Variants in PRIM2 observed in about 807,000 individuals in gnomAD.
PRIM2 encodes the protein DNA primase subunit 2.
A neutral mutation model predicts 67.3 loss-of-function variants in PRIM2; 39 were observed. The observed-to-expected ratio is 0.58, with a 90% CI of 0.45 to 0.76. The LOEUF (loss-of-function observed/expected upper bound fraction) is 0.76. Among genes scored for constraint, PRIM2 ranks in the 30% least tolerant of loss-of-function variants. The pLI is 0.00. For synonymous variants in PRIM2, 143 were observed against 198.7 expected (o/e 0.72, Z 2.36); for missense variants, 398 against 598.7 (o/e 0.66, Z 3.50).
intron 5 of PRIM2, among the ~76,000 whole-genome samples, chr6:57,371,379 T>TA (rs1250898491): frequency 1.3e-5 from 2 of 152,086 alleles, no homozygotes; most frequent in African/African-American, 4.8e-5. Context: ...TAGTGGTACT[T>TA]AGTTATTAAT....
At chr6:57,598,009 A>G (rs1218177846) in intron 10 of PRIM2, among the ~76,000 whole-genome samples, 5 of 152,248 alleles carry the variant, frequency 3.3e-5, no homozygotes, top group African/African-American at 1.2e-4. Flanking sequence ...TATAAGTTAA[A>G]GAATCATAGG....
chr6:57,340,124 A>G (rs1446204393), intron 5 of PRIM2, among the ~76,000 whole-genome samples: 1 of 152,250 alleles, frequency 6.6e-6, no homozygotes, highest in Non-Finnish European at 1.5e-5. Context: ...ATCACTGGCC[A>G]TCAGAGAAAT....
intron 12 of PRIM2, among the ~76,000 whole-genome samples, chr6:57,607,233 G>A (rs1190024606): frequency 5.3e-5 from 8 of 152,092 alleles, no homozygotes; most frequent in East Asian, 1.9e-4. Context: ...ACAACTTTAC[G>A]GCTGCTTCTG....
chr6:57,605,276 GC>G (rs1776539590), intron 11 of PRIM2, among the ~76,000 whole-genome samples: 1 of 152,152 alleles, frequency 6.6e-6, no homozygotes, highest in African/African-American at 2.4e-5. Context: ...TCAGGGTGAT[GC>G]TGGCTTCATA....
At chr6:57,587,407 G>A (rs1170663468) in intron 10 of PRIM2, among the ~76,000 whole-genome samples, 6 of 152,126 alleles carry the variant, frequency 3.9e-5, no homozygotes, top group Non-Finnish European at 5.9e-5. Context: ...GCTCATGCCT[G>A]TAATTTCAGC....
chr6:57,556,248 C>T (rs1200348700), intron 10 of PRIM2, among the ~76,000 whole-genome samples: 1 of 152,178 alleles, frequency 6.6e-6, no homozygotes, highest in Non-Finnish European at 1.5e-5. Flanking sequence ...AATGCTATTC[C>T]TATCCAACTA....
chr6:57,417,203 G>T (rs1394187297), intron 7 of PRIM2, among the ~76,000 whole-genome samples: 1 of 152,126 alleles, frequency 6.6e-6, no homozygotes, highest in African/African-American at 2.4e-5. Flanking sequence ...CTGACCTCAG[G>T]TGATCCACCT....
chr6:57,427,077 C>G (rs1376256907), intron 7 of PRIM2, among the ~76,000 whole-genome samples: 1 of 152,102 alleles, frequency 6.6e-6, no homozygotes, highest in African/African-American at 2.4e-5. Context: ...TTTTTTAGAA[C>G]TGAATTATCT....
chr6:57,570,561 G>A (rs1170392209), intron 10 of PRIM2, among the ~76,000 whole-genome samples: 1 of 152,096 alleles, frequency 6.6e-6, no homozygotes, highest in Non-Finnish European at 1.5e-5. Flanking sequence ...TGTCAAATAG[G>A]AAATGAACAT....
At chr6:57,293,020 A>G in the PRIM2 span, among the ~76,000 whole-genome samples, 1 of 152,224 alleles carries the variant, frequency 6.6e-6, no homozygotes, top group Non-Finnish European at 1.5e-5. Flanking sequence ...GCTTCTGCAC[A>G]GCAAAAGAAA....
the PRIM2 span, among the ~76,000 whole-genome samples, chr6:57,229,207 C>G: frequency 6.6e-6 from 1 of 152,154 alleles, no homozygotes; most frequent in Non-Finnish European, 1.5e-5. Flanking sequence ...TTTTCTGGAA[C>G]TCCTATTAAG....
rs937843464 is a variant in PRIM2, at chr6:57,357,535, T to C, written c.460-22366T>C. Among the ~76,000 whole-genome samples the C allele has an allele frequency of 3.0e-4, 46 of 152,150 alleles. 2 individuals carry two copies. The highest frequency in any genetic ancestry group is 1.3e-4 in the Non-Finnish European group (9 of 68,020). The stretch of plus-strand genomic sequence containing the variant: ...TCTGACTCATCTGTCATGTATCAGC[T>C]TAAACAGTTTTCTTTCTGGGACATT... On this transcript the variant is annotated intron_variant, in intron 5 of 13. Transcript: ENST00000615550.
chr6:57,531,247 G>C (rs1282804009), intron 8 of PRIM2, among the ~76,000 whole-genome samples: 1 of 152,052 alleles, frequency 6.6e-6, no homozygotes, highest in Non-Finnish European at 1.5e-5. Context: ...TGATCTCCCT[G>C]GCTCAAGCAA....
intron 12 of PRIM2, among the ~76,000 whole-genome samples, chr6:57,618,930 T>A (rs1776802297): frequency 6.6e-6 from 1 of 152,086 alleles, no homozygotes; most frequent in African/African-American, 2.4e-5. Context: ...CTGCTGATGC[T>A]CTCTGGAAAG....
chr6:57,326,769 GAATA>G (rs1339369836), intron 5 of PRIM2, among the ~76,000 whole-genome samples: 1 of 151,682 alleles, frequency 6.6e-6, no homozygotes, highest in Non-Finnish European at 1.5e-5. Context: ...AGATCTGTAT[GAATA>G]GTTTTAAAAA....
At chr6:57,579,029 A>G (rs1273220940) in intron 10 of PRIM2, among the ~76,000 whole-genome samples, 1 of 151,830 alleles carries the variant, frequency 6.6e-6, no homozygotes, top group East Asian at 1.9e-4. Flanking sequence ...GATGCTTCAG[A>G]CTCATCTTGT....
the PRIM2 span, among the ~76,000 whole-genome samples, chr6:57,239,678 C>T: frequency 6.6e-6 from 1 of 152,138 alleles, no homozygotes; most frequent in South Asian, 2.1e-4. Context: ...CTGGGGAGGT[C>T]GAGGCTGCAT....
At chr6:57,345,093 G>A (rs1332495595) in intron 5 of PRIM2, among the ~76,000 whole-genome samples, 2 of 148,632 alleles carry the variant, frequency 1.3e-5, no homozygotes, top group East Asian at 3.9e-4. Context: ...CTTTAAATGA[G>A]CTGAAGTTTC....
chr6:57,272,608 G>A, the PRIM2 span, among the ~76,000 whole-genome samples: 1 of 152,120 alleles, frequency 6.6e-6, no homozygotes, highest in East Asian at 1.9e-4. Context: ...TTTTAATTGA[G>A]GCATTTAGTC....
Sources: allele counts gnomAD v4.1 joint callset (sites outside exome capture counted in the v4.1 genomes callset), GRCh38; gene constraint gnomAD v4.1.1; transcripts MANE v1.5; gene names NCBI Gene and HGNC (gene_info 2026-07-23, HGNC 2026-07-21).